Variants in OPCML observed in about 807,000 individuals in gnomAD.
The protein encoded by OPCML is opioid-binding protein/cell adhesion molecule.
In OPCML, 13 loss-of-function variants were observed where a neutral mutation model predicts 37.8. That is an observed-to-expected ratio of 0.34 (90% confidence interval 0.22 to 0.55). The LOEUF is 0.55. Among genes scored for constraint, OPCML ranks in the 20% least tolerant of loss-of-function variants. The pLI, the probability that OPCML is intolerant of heterozygous loss-of-function variation, is 0.91. For missense variants in OPCML, 341 were observed against 435.6 expected (o/e 0.78, Z 1.93); for synonymous variants, 176 against 168.8 (o/e 1.04, Z -0.33).
intron 4 of OPCML, among the ~76,000 whole-genome samples, chr11:132,524,964 C>T (rs1012588234): frequency 2.6e-5 from 4 of 152,176 alleles, no homozygotes; most frequent in Non-Finnish European, 4.4e-5. Context: ...ATTTACACCA[C>T]CAACATGGGC....
In OPCML at chr11:132,943,851, A is replaced by ACGCCACGCTCAGCGGC. The variant is rs1434225468; in HGVS notation, c.62-857_62-842dup. The ACGCCACGCTCAGCGGC allele has an allele frequency of 6.6e-6, 1 of 150,780 alleles. No homozygotes were observed. Among genetic ancestry groups the ACGCCACGCTCAGCGGC allele is most frequent in the Non-Finnish European group, 1.5e-5 (1 of 67,598 alleles). The allele number at this position is 150,780 out of a possible 1,614,324, so 9.3% of individuals were successfully genotyped here. On this transcript the variant is annotated intron_variant, in intron 1 of 7. Coordinates refer to ENST00000524381, the MANE Select transcript of OPCML (RefSeq NM_001012393.5). This position sits in a 1 kb window ranked among gnomAD's most constrained non-coding sequence, Gnocchi z 4.3. ...CGGCACGAGACGCGGGGACGCGCGG[A>ACGCCACGCTCAGCGGC]CGCCACGCTCAGCGGCCGCCCCCGG...
At chr11:132,654,595 T>TCAAGAGAAGCTCCTCCC (rs201541699) in intron 3 of OPCML, among the ~76,000 whole-genome samples, 1 of 60,454 alleles carries the variant, frequency 1.7e-5, no homozygotes, top group Non-Finnish European at 3.7e-5. Context: ...AAGCTCCTCC[T>TCAAGAGAAGCTCCTCCC]CAAGAGAAGC....
At chr11:133,179,329 C>T (rs917902654) in intron 1 of OPCML, among the ~76,000 whole-genome samples, 1 of 152,148 alleles carries the variant, frequency 6.6e-6, no homozygotes, top group African/African-American at 2.4e-5. Context: ...TAATAGACAT[C>T]TCAGGGGTTG....
chr11:132,877,769 A>T (rs1943074950), intron 2 of OPCML, among the ~76,000 whole-genome samples: 1 of 152,216 alleles, frequency 6.6e-6, no homozygotes, highest in Non-Finnish European at 1.5e-5. Context: ...GGGGTCATGC[A>T]AAACAGCTTT....
chr11:132,580,190 G>A (rs1363883245), intron 3 of OPCML, among the ~76,000 whole-genome samples: 28 of 152,102 alleles, frequency 1.8e-4, no homozygotes, highest in Admixed American at 1.8e-3. Context: ...TAGCAGCTTG[G>A]AGCACATTTC....
At chr11:133,496,761 A>T (rs1947796092) in intron 1 of OPCML, among the ~76,000 whole-genome samples, 1 of 152,194 alleles carries the variant, frequency 6.6e-6, no homozygotes, top group Non-Finnish European at 1.5e-5. Context: ...GTATCCAGAA[A>T]CTTTGCTGAA....
At chr11:133,341,700 C>A (rs992769116) in intron 1 of OPCML, among the ~76,000 whole-genome samples, 22 of 152,260 alleles carry the variant, frequency 1.4e-4, no homozygotes, top group African/African-American at 5.3e-4. Flanking sequence ...AGGTGGATCA[C>A]CTGAGGTCAG....
intron 3 of OPCML, among the ~76,000 whole-genome samples, chr11:132,567,452 G>A (rs2096426329): frequency 1.3e-5 from 2 of 152,152 alleles, no homozygotes; most frequent in East Asian, 3.9e-4. Context: ...CCGGGAGAGA[G>A]GTGGAGGGAT....
At chr11:132,661,020 A>C (rs554055821) in intron 2 of OPCML, among the ~76,000 whole-genome samples, 45 of 152,254 alleles carry the variant, frequency 3.0e-4, no homozygotes, top group African/African-American at 1.1e-3. Flanking sequence ...GGTGCATAGA[A>C]CCAGTGCAAG....
rs5795816 is a variant in OPCML, at chr11:133,108,807, T to TAA, written c.62-165799_62-165798dup. Among the ~76,000 whole-genome samples the TAA allele has an allele frequency of 4.6e-3, 690 of 151,212 alleles. 5 individuals are homozygous for TAA. The highest frequency in any genetic ancestry group is 0.015 in the African/African-American group (612 of 41,194). ...ACAGCGCTTTGCAAACTACAGGTGA[T>TAA]AAAAAAAAATGTGAAATACATAATG... On this transcript the variant is annotated intron_variant, in intron 1 of 7. Transcript: ENST00000524381.
chr11:132,937,527 GGTGTGTGTGGTGT>G (rs1304589461), intron 2 of OPCML, among the ~76,000 whole-genome samples: 38 of 150,312 alleles, frequency 2.5e-4, no homozygotes, highest in Non-Finnish European at 3.6e-4. Flanking sequence ...TGTGGTGTGT[GGTGTGTGTGGTGT>G]GTGTGTGTGG....
intron 1 of OPCML, among the ~76,000 whole-genome samples, chr11:132,999,202 G>T (rs1946945366): frequency 6.6e-6 from 1 of 152,164 alleles, no homozygotes; most frequent in Non-Finnish European, 1.5e-5. Context: ...TGCCTCTGGA[G>T]AAGGAATTCG....
chr11:132,662,342 A>T (rs548002926), intron 2 of OPCML, among the ~76,000 whole-genome samples: 3 of 152,182 alleles, frequency 2.0e-5, no homozygotes, highest in African/African-American at 4.8e-5. Flanking sequence ...AATCACTGAA[A>T]ATTAAAATCA....
At position 132,936,795 on chromosome 11, in the gene OPCML, G is replaced by A. The variant is rs142892284; in HGVS notation, c.146+6131C>T. On this transcript the variant is annotated intron_variant, in intron 2 of 7. Transcript: ENST00000524381. ...TGGGAGACAACAAGGGCCTGAGAAC[G>A]GATCAAGATGAAAAGAGTGCACCCC... Among the ~76,000 whole-genome samples, 41 of 152,156 alleles carry A rather than the reference G, an allele frequency of 2.7e-4. No homozygotes were observed. In the East Asian group the frequency reaches 3.5e-3, roughly 13 times the overall value.
chr11:132,766,801 G>A (rs771007891), intron 2 of OPCML, among the ~76,000 whole-genome samples: 1 of 151,898 alleles, frequency 6.6e-6, no homozygotes, highest in East Asian at 1.9e-4. Context: ...ATCCAAGATG[G>A]AAGAAAAATA....
intron 1 of OPCML, among the ~76,000 whole-genome samples, chr11:133,195,844 ATC>A (rs1433328966): frequency 6.6e-6 from 1 of 152,212 alleles, no homozygotes; most frequent in Non-Finnish European, 1.5e-5. Context: ...CTCAATGAAT[ATC>A]TGTCACATGA....
chr11:133,281,412 T>C (rs1424972803), intron 1 of OPCML, among the ~76,000 whole-genome samples: 1 of 152,132 alleles, frequency 6.6e-6, no homozygotes, highest in East Asian at 1.9e-4. Context: ...GCTCTTGCCA[T>C]GTGACATGCT....
chr11:132,505,924 C>G (rs1345744863), intron 4 of OPCML, among the ~76,000 whole-genome samples: 1 of 151,380 alleles, frequency 6.6e-6, no homozygotes, highest in African/African-American at 2.4e-5. Context: ...TGCCTAATAA[C>G]AGACTTACTG....
intron 1 of OPCML, among the ~76,000 whole-genome samples, chr11:133,089,320 T>C (rs186291465): frequency 1.3e-5 from 2 of 152,380 alleles, no homozygotes; most frequent in South Asian, 2.1e-4. Flanking sequence ...ACAACAGCAC[T>C]ATCATCTTCC....
Sources: allele counts gnomAD v4.1 joint callset (sites outside exome capture counted in the v4.1 genomes callset), GRCh38; gene constraint gnomAD v4.1.1; non-coding constraint Gnocchi (gnomAD v3.1); transcripts MANE v1.5; gene names NCBI Gene and HGNC (gene_info 2026-07-23, HGNC 2026-07-21).